The following ATP1B1 variants were observed in gnomAD, a reference collection of about 807,000 sequenced individuals.
The protein encoded by ATP1B1 is ATPase Na+/K+ transporting subunit beta 1.
ATP1B1 carries 3 observed loss-of-function variants against 39.6 expected under a neutral mutation model. The ratio of observed to expected loss-of-function variants is 0.08; its 90% CI spans 0.03 to 0.20. The LOEUF (loss-of-function observed/expected upper bound fraction) is 0.20, where lower values mean the gene tolerates loss of function less well. ATP1B1 is among the 10% of genes least tolerant of loss of function. The pLI, the probability that ATP1B1 is intolerant of heterozygous loss-of-function variation, is 1.00. For synonymous variants in ATP1B1, 139 were observed against 135.0 expected (o/e 1.03, Z -0.20); for missense variants, 216 against 371.1 (o/e 0.58, Z 3.43).
At chr1:169,108,969 C>T (rs754937922) in intron 1 of ATP1B1, among the ~76,000 whole-genome samples, 1 of 152,190 alleles carries the variant, frequency 6.6e-6, no homozygotes, top group Non-Finnish European at 1.5e-5. Flanking sequence ...GAGAAAATGC[C>T]CCTTTTCCAG....
At chr1:169,110,704 G>A (rs560291093) in intron 1 of ATP1B1, 11 of 1,279,358 alleles carry the variant, frequency 8.6e-6, no homozygotes, top group African/African-American at 3.1e-5. Context: ...GAATTAAAAT[G>A]TGCTGGTCAT....
At position 169,131,361 on chromosome 1, in the gene ATP1B1, C is replaced by G; in HGVS notation, c.718C>G (p.Leu240Val). The G allele has an allele frequency of 6.2e-7, 1 of 1,614,186 alleles. No homozygotes were observed. Among genetic ancestry groups the G allele is most frequent in the Non-Finnish European group, 8.5e-7 (1 of 1,180,030 alleles). ...FGLGNSPGFP[L>V]QYYPYYGKLL... ...ACTGGGCAACTCCCCTGGTTTTCCTCTGCAGTATTATCCGTACTATGGCAA... is the reference window on the plus strand; with the variant it reads ...ACTGGGCAACTCCCCTGGTTTTCCTGTGCAGTATTATCCGTACTATGGCAA... Residue 240 changes from leucine (L) to valine (V), a missense_variant, in exon 6 of 6, where the codon CTG becomes GTG. Transcript: ENST00000367815. The surrounding 1 kb of genome is among the most constrained non-coding windows in gnomAD (Gnocchi z 4.4).
chr1:169,121,460 C>T (rs947540738), intron 2 of ATP1B1, among the ~76,000 whole-genome samples: 4 of 152,136 alleles, frequency 2.6e-5, no homozygotes, highest in Admixed American at 1.3e-4. Flanking sequence ...TAGTGGAAAC[C>T]GTGGACTTGA....
In ATP1B1 at chr1:169,111,412, C is replaced by G. The variant is rs1376088418; in HGVS notation, c.140C>G (p.Ala47Gly). Residue 47 changes from alanine (A) to glycine (G), a missense_variant, in exon 2 of 6, where the codon GCT becomes GGT. Coordinates refer to ENST00000367815, the MANE Select transcript of ATP1B1 (RefSeq NM_001677.4). ...LFYVIFYGCL[A>G]GIFIGTIQVM... ...TACGTAATATTTTATGGCTGCCTGG[C>G]TGGCATCTTCATCGGAACCATCCAA... The G allele has an allele frequency of 6.2e-7, 1 of 1,614,200 alleles. No homozygotes were observed. The highest frequency in any genetic ancestry group is 8.5e-7 in the Non-Finnish European group (1 of 1,180,034).
chr1:169,131,649 A>G lies in ATP1B1; in HGVS notation c.*94A>G, dbSNP rs1658223547. 2.2e-6 allele frequency: 3 copies of G among 1,385,948 alleles called. No individual in the cohort carries two copies. Among genetic ancestry groups the G allele is most frequent in the African/African-American group, 2.9e-5 (2 of 68,720 alleles). 85.9% of individuals were successfully genotyped at this position (1,385,948 alleles called of 1,614,324 possible). The stretch of plus-strand genomic sequence containing the variant: ...TAGTCTTGAACAAACTGTCATACGT[A>G]TGGGACCTACACTTAATCTATATGC... On this transcript the variant is annotated 3_prime_UTR_variant, in exon 6 of 6. Coordinates refer to ENST00000367815, the MANE Select transcript of ATP1B1 (RefSeq NM_001677.4). The surrounding 1 kb of genome is among the most constrained non-coding windows in gnomAD (Gnocchi z 4.4).
At chr1:169,119,895 T>G (rs1433383064) in intron 2 of ATP1B1, among the ~76,000 whole-genome samples, 1 of 151,982 alleles carries the variant, frequency 6.6e-6, no homozygotes, top group Non-Finnish European at 1.5e-5. Flanking sequence ...AATCCTAAAG[T>G]AAATGATTTA....
chr1:169,109,514 CA>C (rs1202465148), intron 1 of ATP1B1, among the ~76,000 whole-genome samples: 2 of 151,944 alleles, frequency 1.3e-5, no homozygotes, highest in African/African-American at 4.8e-5. Flanking sequence ...CATCTCAGAG[CA>C]AAAAGGGAAA....
chr1:169,110,073 G>A (rs1379180976), intron 1 of ATP1B1, among the ~76,000 whole-genome samples: 1 of 151,920 alleles, frequency 6.6e-6, no homozygotes, highest in Non-Finnish European at 1.5e-5. Flanking sequence ...TTTTGATAGA[G>A]GAGAAAAAGG....
intron 2 of ATP1B1, 26 bp from the exon 3 acceptor site, chr1:169,124,858 A>G (rs746983798): frequency 1.2e-6 from 2 of 1,604,926 alleles, no homozygotes; most frequent in South Asian, 1.1e-5. Context: ...CCTTCCTACT[A>G]ATGTTTTTCT....
At chr1:169,113,995 C>T (rs1169027027) in intron 2 of ATP1B1, among the ~76,000 whole-genome samples, 1 of 151,928 alleles carries the variant, frequency 6.6e-6, no homozygotes, top group Non-Finnish European at 1.5e-5. Flanking sequence ...AGGGACATGA[C>T]ATTCATATGA....
chr1:169,111,264 G>C, intron 1 of ATP1B1, 106 bp from the exon 2 acceptor site: 1 of 1,468,088 alleles, frequency 6.8e-7, no homozygotes. Flanking sequence ...AAGAAATCAT[G>C]GGACCGGGGG....
At chr1:169,120,818 G>T (rs1056000508) in intron 2 of ATP1B1, among the ~76,000 whole-genome samples, 1 of 152,226 alleles carries the variant, frequency 6.6e-6, no homozygotes, top group Non-Finnish European at 1.5e-5. Context: ...GCCCCGTCTA[G>T]AGAGACATGA....
In ATP1B1 at chr1:169,118,569, TAAAC is replaced by T. The variant is rs150073086; in HGVS notation, c.227-6307_227-6304del. ...CCAACTCACAGATGTAAAACAAAAA[TAAAC>T]AAACAAAATCCAGAAATATCTTAGG... On this transcript the variant is annotated intron_variant, in intron 2 of 5. Coordinates refer to ENST00000367815, the MANE Select transcript of ATP1B1 (RefSeq NM_001677.4). Among the ~76,000 whole-genome samples the T allele has an allele frequency of 6.5e-3, 985 of 152,234 alleles. 4 individuals are homozygous for T. The highest frequency in any genetic ancestry group is 0.023 in the African/African-American group (936 of 41,536).
chr1:169,122,528 A>C (rs1031736803), intron 2 of ATP1B1, among the ~76,000 whole-genome samples: 8 of 152,192 alleles, frequency 5.3e-5, no homozygotes, highest in Non-Finnish European at 7.3e-5. Flanking sequence ...TTTAACATAG[A>C]AAAAGATTGT....
chr1:169,132,213 C>CA lies in ATP1B1; in HGVS notation c.*663dup. 3.0e-6 allele frequency: 2 copies of CA among 661,352 alleles called. No homozygotes were observed. Among genetic ancestry groups the CA allele is most frequent in the South Asian group, 3.2e-5 (2 of 63,010 alleles). The allele number at this position is 661,352 out of a possible 1,614,324, so 41.0% of individuals were successfully genotyped here. A position where few individuals can be genotyped will look rare whatever the true frequency, so the allele number is the denominator to read the frequency against. Reference sequence around the variant, plus strand: ...TTTTAAGTGACACTACAGAAAAACACAAAAAGGTGATGGGTTGTGTTATGC... The same window carrying CA: ...TTTTAAGTGACACTACAGAAAAACACAAAAAAGGTGATGGGTTGTGTTATGC... On this transcript the variant is annotated 3_prime_UTR_variant, in exon 6 of 6. Transcript: ENST00000367815.
chr1:169,109,080 C>T (rs1207158020), intron 1 of ATP1B1, among the ~76,000 whole-genome samples: 1 of 152,212 alleles, frequency 6.6e-6, no homozygotes, highest in African/African-American at 2.4e-5. Flanking sequence ...AGGAGACTCG[C>T]CTGTCACCTG....
At chr1:169,119,585 A>C (rs1488937407) in intron 2 of ATP1B1, among the ~76,000 whole-genome samples, 1 of 152,186 alleles carries the variant, frequency 6.6e-6, no homozygotes, top group African/African-American at 2.4e-5. Flanking sequence ...GTCTAGTGTG[A>C]AATATGACTC....
At chr1:169,110,567 C>CTTTTTTTTTTTTT (rs11423213) in intron 1 of ATP1B1, 8 of 434,704 alleles carry the variant, frequency 1.8e-5, no homozygotes, top group East Asian at 1.2e-4. Context: ...TGTGTTGAGT[C>CTTTTTTTTTTTTT]TTTTTTTTTT....
intron 2 of ATP1B1, among the ~76,000 whole-genome samples, chr1:169,114,183 A>AATGCCAAGGACCCTCCTTGGCATTTTTCC (rs1657790795): frequency 6.6e-6 from 1 of 152,026 alleles, no homozygotes; most frequent in African/African-American, 2.4e-5. Flanking sequence ...GGCATTTTTC[A>AATGCCAAGGACCCTCCTTGGCATTTTTCC]GAGTACGTGT....
Sources: allele counts gnomAD v4.1 joint callset (sites outside exome capture counted in the v4.1 genomes callset), GRCh38; gene constraint gnomAD v4.1.1; non-coding constraint Gnocchi (gnomAD v3.1); transcripts MANE v1.5; gene names NCBI Gene and HGNC (gene_info 2026-07-23, HGNC 2026-07-21).